PHF2: variants seen among roughly 807,000 people sequenced by gnomAD.
The protein encoded by PHF2 is lysine-specific demethylase PHF2.
A neutral mutation model predicts 120.5 loss-of-function variants in PHF2; 27 were observed. The observed-to-expected ratio is 0.22, with a 90% CI of 0.17 to 0.31. The LOEUF (loss-of-function observed/expected upper bound fraction) is 0.31, where lower values mean the gene tolerates loss of function less well. Among genes scored for constraint, PHF2 ranks in the 10% least tolerant of loss-of-function variants. The probability of loss-of-function intolerance (pLI) is 1.00; values close to 1 mark genes in which losing one functional copy is unlikely to be tolerated. For synonymous variants in PHF2, 568 were observed against 592.5 expected, an observed-to-expected ratio of 0.96 and a Z score of 0.60; for missense variants, 1,024 against 1,434.8, an observed-to-expected ratio of 0.71 and a Z score of 4.63.
At chr9:93,642,726 T>G (rs1826190131) in intron 3 of PHF2, among the ~76,000 whole-genome samples, 1 of 152,256 alleles carries the variant, frequency 6.6e-6, no homozygotes, top group Non-Finnish European at 1.5e-5. Context: ...AGTAAGCCTC[T>G]TTAATTTGGA....
At position 93,666,042 on chromosome 9, in the gene PHF2, G is replaced by A. The variant is rs1231253239; in HGVS notation, c.2169G>A (p.Leu723=). 1.9e-6 allele frequency: 3 copies of A among 1,613,020 alleles called. No homozygotes were observed. Among genetic ancestry groups the A allele is most frequent in the Non-Finnish European group, 2.5e-6 (3 of 1,179,506 alleles). ...VLPTPVTKPK[L]DSAAYKSDDS... is the part of the protein sequence containing the mutation. ...CCACGCCTGTCACGAAGCCAAAGCT[G>A]GACTCGGCAGCGTACAAGGTGAGCT... Residue 723 remains leucine, a synonymous_variant, in exon 16 of 22, where the codon CTG becomes CTA. Transcript: ENST00000359246.
rs572376036 is a variant in PHF2 at position 93,679,346 on chromosome 9, T to C, written c.*1670T>C. 4.5e-6 allele frequency: 2 copies of C among 447,858 alleles called. No individual in the cohort carries two copies. Among genetic ancestry groups the C allele is most frequent in the Non-Finnish European group, 8.9e-6 (2 of 224,712 alleles). 27.7% of individuals were successfully genotyped at this position (447,858 alleles called of 1,614,324 possible). ...AGAACTGGTGTTTTTAAAGTTTCCT[T>C]TACCCTGCCCTTGTTGAACATTTAT... On this transcript the variant is annotated 3_prime_UTR_variant, in exon 22 of 22. Coordinates refer to ENST00000359246, the MANE Select transcript of PHF2 (RefSeq NM_005392.4).
intron 2 of PHF2, among the ~76,000 whole-genome samples, chr9:93,633,288 C>G (rs1202309733): frequency 6.6e-6 from 1 of 151,904 alleles, no homozygotes; most frequent in African/African-American, 2.4e-5. Context: ...GGCCATAGGC[C>G]CACAGGTTTA....
At chr9:93,662,560 ATGGATGGATG>A in intron 12 of PHF2, among the ~76,000 whole-genome samples, 2 of 83,948 alleles carry the variant, frequency 2.4e-5, no homozygotes, top group South Asian at 2.9e-4. Context: ...GGATGGATGG[ATGGATGGATG>A]GATGAACAAA....
intron 1 of PHF2, among the ~76,000 whole-genome samples, chr9:93,612,509 G>A (rs1825653634): frequency 6.6e-6 from 1 of 152,208 alleles, no homozygotes; most frequent in Non-Finnish European, 1.5e-5. Flanking sequence ...ATGGTAAAAA[G>A]CAGTTTGTGT....
intron 1 of PHF2, among the ~76,000 whole-genome samples, chr9:93,605,244 G>T (rs1171047680): frequency 3.3e-5 from 5 of 152,026 alleles, no homozygotes; most frequent in Non-Finnish European, 5.9e-5. Context: ...TTGAAACAGG[G>T]TCTTGCTCTG....
chr9:93,645,008 G>A (rs1826230778), intron 3 of PHF2, among the ~76,000 whole-genome samples: 1 of 152,154 alleles, frequency 6.6e-6, no homozygotes, highest in South Asian at 2.1e-4. Flanking sequence ...GCCAGCCAGG[G>A]GCCTCCTCCT....
rs181853928 is a variant in PHF2, at chr9:93,591,017, G to A, written c.98+14146G>A. ...CCCAACAGCTCCGGGGCCATACTTGGCCTGGTTAGGTGGCAGACTGCTGTG... is the reference window on the plus strand; with the variant it reads ...CCCAACAGCTCCGGGGCCATACTTGACCTGGTTAGGTGGCAGACTGCTGTG... On this transcript the variant is annotated intron_variant, in intron 1 of 21. Transcript: ENST00000359246. Among the ~76,000 whole-genome samples the A allele has an allele frequency of 1.9e-3, 295 of 152,364 alleles. 1 individual carries two copies. Among genetic ancestry groups the A allele is most frequent in the Non-Finnish European group, 2.7e-3 (184 of 68,038 alleles).
intron 14 of PHF2, 64 bp from the exon 15 acceptor site, chr9:93,665,622 G>A (rs1345714176): frequency 2.5e-6 from 4 of 1,572,846 alleles, no homozygotes; most frequent in African/African-American, 2.7e-5. Context: ...CCCTCGGGAG[G>A]TCCTACCTGT....
rs1826983779 is a variant in PHF2 at position 93,679,521 on chromosome 9, C to A, written c.*1845C>A. 1 of 274,270 alleles carries A rather than the reference C, an allele frequency of 3.6e-6. No individual in the cohort carries two copies. Among genetic ancestry groups the A allele is most frequent in the Non-Finnish European group, 7.1e-6 (1 of 140,068 alleles). 17.0% of individuals were successfully genotyped at this position (274,270 alleles called of 1,614,324 possible). A position where few individuals can be genotyped will look rare whatever the true frequency, so the allele number is the denominator to read the frequency against. On this transcript the variant is annotated 3_prime_UTR_variant, in exon 22 of 22. Coordinates refer to ENST00000359246, the MANE Select transcript of PHF2 (RefSeq NM_005392.4). The stretch of plus-strand genomic sequence containing the variant: ...ATTCATATTACTCTTGTATCGAGTC[C>A]ATGAGGTCTAAGGCAACTTAGATCA...
At chr9:93,592,784 A>C (rs1825253003) in intron 1 of PHF2, among the ~76,000 whole-genome samples, 1 of 152,180 alleles carries the variant, frequency 6.6e-6, no homozygotes, top group East Asian at 1.9e-4. Context: ...CAGGAGCTGC[A>C]GACAGAGGGG....
chr9:93,645,599 A>G (rs761597529), intron 3 of PHF2, 30 bp from the exon 4 acceptor site: 25 of 1,533,964 alleles, frequency 1.6e-5, no homozygotes, highest in East Asian at 4.7e-5. Context: ...CTCGGGCCCA[A>G]TGTGGCCTCT....
chr9:93,675,846 G>A, intron 20 of PHF2, 57 bp downstream of exon 20: 1 of 1,359,650 alleles, frequency 7.4e-7, no homozygotes, highest in Non-Finnish European at 1.0e-6. Flanking sequence ...CCCACCTGGT[G>A]GGCTCAGGTT....
intron 1 of PHF2, among the ~76,000 whole-genome samples, chr9:93,595,693 C>T (rs1819692691): frequency 6.6e-6 from 1 of 152,212 alleles, no homozygotes; most frequent in South Asian, 2.1e-4. Flanking sequence ...GCCCACTGGG[C>T]ATATGTGTGT....
intron 16 of PHF2, among the ~76,000 whole-genome samples, 178 bp from the exon 17 acceptor site, chr9:93,666,902 C>T (rs1349481403): frequency 4.0e-5 from 6 of 151,476 alleles, no homozygotes; most frequent in Admixed American, 2.0e-4. Flanking sequence ...CCAGCCTGGG[C>T]GACAGAGCGA....
At chr9:93,648,554 C>G (rs1826302243) in intron 4 of PHF2, among the ~76,000 whole-genome samples, 1 of 152,172 alleles carries the variant, frequency 6.6e-6, no homozygotes, top group South Asian at 2.1e-4. Context: ...AGTCATGAGT[C>G]TTTTATAAAG....
intron 1 of PHF2, among the ~76,000 whole-genome samples, chr9:93,606,110 T>G (rs1297328726): frequency 6.6e-6 from 1 of 152,086 alleles, no homozygotes; most frequent in African/African-American, 2.4e-5. Flanking sequence ...AGTAAGTAGC[T>G]GAGACTCTGC....
At chr9:93,635,908 A>T (rs1826082136) in intron 2 of PHF2, among the ~76,000 whole-genome samples, 1 of 151,848 alleles carries the variant, frequency 6.6e-6, no homozygotes, top group Non-Finnish European at 1.5e-5. Flanking sequence ...AGGAGTGGGG[A>T]TGTGCACCAC....
chr9:93,639,608 C>T (rs903270072), intron 3 of PHF2, among the ~76,000 whole-genome samples: 5 of 152,112 alleles, frequency 3.3e-5, no homozygotes, highest in African/African-American at 1.2e-4. Flanking sequence ...CCAATATCAC[C>T]TTGAATAGAA....
Sources: gnomAD v4.1 joint callset for allele counts (sites outside exome capture counted in the v4.1 genomes callset) on GRCh38, gnomAD v4.1.1 for gene constraint, MANE v1.5 for transcripts, NCBI Gene and HGNC (gene_info 2026-07-23, HGNC 2026-07-21) for gene names.